Variants in XRN2 observed in about 807,000 individuals in gnomAD.
The protein encoded by XRN2 is 5'-3' exoribonuclease 2.
In XRN2, 44 loss-of-function variants were observed where a neutral mutation model predicts 138.5. The observed-to-expected ratio is 0.32, with a 90% confidence interval of 0.25 to 0.41. The LOEUF (loss-of-function observed/expected upper bound fraction) is 0.41. Ranked by LOEUF, XRN2 falls within the 10% of genes least tolerant of loss-of-function variation. The pLI, the probability that XRN2 is intolerant of heterozygous loss-of-function variation, is 1.00. For missense variants in XRN2, 937 were observed against 1,169.3 expected (o/e 0.80, Z 2.90); for synonymous variants, 354 against 369.4 (o/e 0.96, Z 0.48).
rs1299679432 is a variant in XRN2 at position 21,331,832 on chromosome 20, TTGGGATTTGCTTCTTTTGGATTAAACC to T, written c.700+15_700+41del. 3.7e-6 allele frequency: 6 copies of T among 1,611,412 alleles called. No homozygotes were observed. In the African/African-American group the frequency reaches 8.0e-5, roughly 22 times the overall value. On this transcript the variant is annotated intron_variant, in intron 8 of 29. Coordinates refer to ENST00000377191, the MANE Select transcript of XRN2 (RefSeq NM_012255.5). The stretch of plus-strand genomic sequence containing the variant: ...GTGGAGCAGATGGTAAGTTTCTTCT[TTGGGATTTGCTTCTTTTGGATTAAACC>T]ATAGCAAGTTGATGGGTTGGTGTGC...
chr20:21,349,452 G>T lies in XRN2; in HGVS notation c.1927G>T (p.Ala643Ser). Reference protein sequence around the residue: ...FAIDLNGKKYAWQGVALLPFV... With the variant: ...FAIDLNGKKYSWQGVALLPFV... The stretch of plus-strand genomic sequence containing the variant: ...TATTGATTTGAATGGGAAGAAATAT[G>T]CATGGCAAGGTAAAATTTAGACGTT... The change falls in exon 20 of 30, where the codon GCA becomes TCA. Residue 643 changes from alanine to serine, a missense_variant. Physicochemically the swap from Ala to Ser is moderately conservative, Grantham distance 99 (BLOSUM62 1). Coordinates refer to ENST00000377191, the MANE Select transcript of XRN2 (RefSeq NM_012255.5). 6.2e-7 allele frequency: 1 copy of T among 1,604,738 alleles called. No individual in the cohort carries two copies.
In XRN2 at chr20:21,365,695, G is replaced by A. The variant is rs748627647; in HGVS notation, c.2447G>A (p.Arg816Lys). 2.1e-5 allele frequency: 33 copies of A among 1,568,544 alleles called. No individual in the cohort carries two copies. The highest frequency in any genetic ancestry group is 5.3e-5 in the Admixed American group (3 of 56,150). ...RPVHLDQAAF[R>K]TLGHVMPRGS... ...GTGCACCTGGATCAGGCAGCCTTCA[G>A]GACTTTGGGGTGAGTTGTCAGTTTT... Residue 816 changes from arginine (R) to lysine (K), a missense_variant, in exon 26 of 30, where the codon AGG becomes AAG. By Grantham distance (26) the Arg-to-Lys change is conservative (BLOSUM62 2). This residue lies in a region of XRN2 where 372 missense variants were observed against 414.4 expected (regional missense o/e 0.90). Transcript: ENST00000377191.
intron 21 of XRN2, 102 bp downstream of exon 21, chr20:21,354,974 A>G (rs2038558865): frequency 2.3e-6 from 2 of 878,610 alleles, no homozygotes; most frequent in Non-Finnish European, 3.3e-6. Context: ...GATTTCCCAT[A>G]AAGGGGATAT....
rs78934719 is a variant in XRN2 at position 21,304,904 on chromosome 20, T to C, written c.75+1431T>C. ...AATTAAATGATCAGGGCTTTGACTA[T>C]ACAGATTTAAAATGCTGAAAAATCA... On this transcript the variant is annotated intron_variant, in intron 1 of 29. Coordinates refer to ENST00000377191, the MANE Select transcript of XRN2 (RefSeq NM_012255.5). Among the ~76,000 whole-genome samples the C allele has an allele frequency of 4.8e-4, 73 of 152,362 alleles. 1 individual carries two copies. The East Asian group carries it at 9.1e-3, about 19-fold the overall frequency.
intron 27 of XRN2, among the ~76,000 whole-genome samples, chr20:21,374,033 A>G (rs187793549): frequency 3.9e-5 from 6 of 152,302 alleles, no homozygotes; most frequent in African/African-American, 1.4e-4. Context: ...TAAGTTTGAA[A>G]TCATCACAAT....
intron 1 of XRN2, chr20:21,303,954 C>A: frequency 2.7e-6 from 2 of 754,566 alleles, no homozygotes; most frequent in Non-Finnish European, 3.2e-6. Context: ...ACCAATTGTG[C>A]CGGAAAGGTT....
intron 19 of XRN2, 56 bp downstream of exon 19, chr20:21,348,486 A>G (rs767923828): frequency 3.3e-6 from 5 of 1,505,504 alleles, no homozygotes; most frequent in Admixed American, 1.8e-5. Context: ...CATTTTATTC[A>G]TATCAGTTAC....
At position 21,333,614 on chromosome 20, in the gene XRN2, G is replaced by A. The variant is rs141321605; in HGVS notation, c.929G>A (p.Arg310His). ...EFIFLRLNVLREYLERELTMA... is the reference protein window; with the variant it reads ...EFIFLRLNVLHEYLERELTMA... ...ATCTTCCTTCGGCTTAATGTTCTTCGTGAGGTATGTAGCAATAATCATTGA... is the reference window on the plus strand; with the variant it reads ...ATCTTCCTTCGGCTTAATGTTCTTCATGAGGTATGTAGCAATAATCATTGA... The change falls in exon 10 of 30, where the codon CGT (arginine) becomes CAT (histidine). Residue 310 changes from arginine to histidine, a missense_variant. By Grantham distance (29) the Arg-to-His change is conservative. Around this residue, in one of 6 missense-constraint regions of XRN2, gnomAD observed 471 missense variants for 581.2 expected, o/e 0.81. Transcript: ENST00000377191. The A allele has an allele frequency of 4.3e-6, 7 of 1,613,622 alleles. No individual in the cohort carries two copies. The highest frequency in any genetic ancestry group is 1.3e-5 in the African/African-American group (1 of 74,998).
chr20:21,314,643 T>C (rs1160904927), intron 1 of XRN2, among the ~76,000 whole-genome samples: 1 of 152,088 alleles, frequency 6.6e-6, no homozygotes, highest in Non-Finnish European at 1.5e-5. Flanking sequence ...TGTGCCACTA[T>C]GCTTGGCTAA....
Position 21,334,156 on chromosome 20 carries a change from A to C in XRN2, c.1204A>C (p.Ser402Arg). The C allele has an allele frequency of 6.2e-7, 1 of 1,613,894 alleles. No individual in the cohort carries two copies. The highest frequency in any genetic ancestry group is 8.5e-7 in the Non-Finnish European group (1 of 1,179,910). ...GTTAGCAGTTGGTGAAGTTGAGGAT[A>C]GCATTTTTAAAAAGAGAAAGGATGA... Reference protein sequence around the residue: ...IMLAVGEVEDSIFKKRKDDED... With the variant: ...IMLAVGEVEDRIFKKRKDDED... Residue 402 changes from serine to arginine, a missense_variant, in exon 13 of 30, where the codon AGC (serine) becomes CGC (arginine). By Grantham distance (110) the Ser-to-Arg change is moderately radical. Around this residue, in one of 6 missense-constraint regions of XRN2, gnomAD observed 471 missense variants for 581.2 expected, o/e 0.81. Coordinates refer to ENST00000377191, the MANE Select transcript of XRN2 (RefSeq NM_012255.5).
intron 1 of XRN2, among the ~76,000 whole-genome samples, chr20:21,309,085 G>GT (rs1270148940): frequency 6.6e-6 from 1 of 152,142 alleles, no homozygotes; most frequent in African/African-American, 2.4e-5. Flanking sequence ...GTTTGCTAAA[G>GT]TTTTCTTGAG....
At chr20:21,382,220 T>G (rs2038893381) in intron 28 of XRN2, among the ~76,000 whole-genome samples, 163 bp downstream of exon 28, 1 of 152,212 alleles carries the variant, frequency 6.6e-6, no homozygotes, top group Non-Finnish European at 1.5e-5. Flanking sequence ...TAGCTAATAC[T>G]TTGAATTAAA....
intron 1 of XRN2, among the ~76,000 whole-genome samples, chr20:21,313,356 G>T (rs930363273): frequency 2.0e-5 from 3 of 152,188 alleles, no homozygotes; most frequent in Non-Finnish European, 4.4e-5. Flanking sequence ...TGTGTATGTT[G>T]GGTGACTCAA....
At chr20:21,352,243 T>C (rs559425299) in intron 20 of XRN2, among the ~76,000 whole-genome samples, 1 of 152,198 alleles carries the variant, frequency 6.6e-6, no homozygotes, top group Non-Finnish European at 1.5e-5. Flanking sequence ...GTTAAGCTCT[T>C]ACCTGGGTTG....
intron 9 of XRN2, 117 bp from the exon 10 acceptor site, chr20:21,333,427 A>T: frequency 9.5e-7 from 1 of 1,050,350 alleles, no homozygotes; most frequent in Non-Finnish European, 1.4e-6. Flanking sequence ...TTTAAAAATT[A>T]AATACTTGTG....
intron 28 of XRN2, among the ~76,000 whole-genome samples, chr20:21,383,221 TG>T (rs1467198722): frequency 2.0e-5 from 3 of 152,232 alleles, no homozygotes; most frequent in African/African-American, 7.2e-5. Flanking sequence ...GTATATGTTC[TG>T]AAAGCACACA....
chr20:21,363,825 A>G (rs2038664331), intron 24 of XRN2, among the ~76,000 whole-genome samples: 1 of 152,236 alleles, frequency 6.6e-6, no homozygotes, highest in South Asian at 2.1e-4. Context: ...TGTTAAAGGA[A>G]ACAAGTTACT....
In XRN2 at chr20:21,333,981, T is replaced by G; in HGVS notation, c.1112T>G (p.Val371Gly). The change falls in exon 12 of 30, where the codon GTA becomes GGA. Residue 371 changes from valine (V) to glycine (G), a missense_variant. Physicochemically the swap from Val to Gly is moderately radical, Grantham distance 109. Transcript: ENST00000377191. ...TTGGTTAACATATACAAAAATGTGG[T>G]ACACAAAACTGGGGTAAGTTCATTC... ...DRLVNIYKNV[V>G]HKTGGYLTES... 1 of 1,614,124 alleles carries G rather than the reference T, an allele frequency of 6.2e-7. No individual in the cohort carries two copies. Among genetic ancestry groups the G allele is most frequent in the Non-Finnish European group, 8.5e-7 (1 of 1,179,990 alleles).
chr20:21,316,333 C>T (rs1029471333), intron 1 of XRN2, among the ~76,000 whole-genome samples: 1 of 152,194 alleles, frequency 6.6e-6, no homozygotes, highest in Non-Finnish European at 1.5e-5. Flanking sequence ...ATCGTTTGTG[C>T]TTTTGATGGC....
Sources: gnomAD v4.1 joint callset for allele counts (sites outside exome capture counted in the v4.1 genomes callset) on GRCh38, gnomAD v4.1.1 for gene constraint, gnomAD v4.1.1 regional missense constraint, MANE v1.5 for transcripts, NCBI Gene and HGNC (gene_info 2026-07-23, HGNC 2026-07-21) for gene names.